Variants in MYO3B observed in about 807,000 individuals in gnomAD.
MYO3B encodes myosin-IIIb.
In MYO3B, 156 loss-of-function variants were observed where a neutral mutation model predicts 174.6. The ratio of observed to expected loss-of-function variants is 0.89; its 90% confidence interval spans 0.78 to 1.02. MYO3B has a LOEUF of 1.02. Ranked by LOEUF, MYO3B falls within the 50% of genes least tolerant of loss-of-function variation. MYO3B has a pLI of 0.00. For missense variants in MYO3B, 1,632 were observed against 1,639.4 expected, an observed-to-expected ratio of 1.00 and a Z score of 0.08; for synonymous variants, 563 against 569.1, an observed-to-expected ratio of 0.99 and a Z score of 0.15.
intron 32 of MYO3B, among the ~76,000 whole-genome samples, chr2:170,595,661 A>G (rs1694102188): frequency 1.3e-5 from 2 of 151,726 alleles, no homozygotes; most frequent in Non-Finnish European, 2.9e-5. Flanking sequence ...CTAGTCTTGA[A>G]CCCTGGGCTC....
chr2:170,299,876 C>G (rs1440580513), intron 7 of MYO3B, among the ~76,000 whole-genome samples: 1 of 152,158 alleles, frequency 6.6e-6, no homozygotes, highest in African/African-American at 2.4e-5. Context: ...TTGATAAAAT[C>G]TGAAAACCTA....
At chr2:170,636,399 TC>T (rs1377438806) in intron 32 of MYO3B, among the ~76,000 whole-genome samples, 14 of 142,942 alleles carry the variant, frequency 9.8e-5, no homozygotes, top group African/African-American at 3.8e-4. Context: ...TCCATGAATT[TC>T]TTTTTTTTTT....
intron 18 of MYO3B, 51 bp downstream of exon 18, chr2:170,401,742 C>T (rs759259276): frequency 6.5e-7 from 1 of 1,537,104 alleles, no homozygotes; most frequent in South Asian, 1.1e-5. Context: ...ATTGACCCCG[C>T]CGTCTCTTAG....
rs2092780199 is a variant in MYO3B, at chr2:170,212,270, G to A, written c.322-2109G>A. Among the ~76,000 whole-genome samples the A allele has an allele frequency of 2.6e-5, 4 of 151,792 alleles. No homozygotes were observed. In the South Asian group the frequency reaches 6.3e-4, roughly 24 times the overall value. On this transcript the variant is annotated intron_variant, in intron 3 of 34. Coordinates refer to ENST00000408978, the MANE Select transcript of MYO3B (RefSeq NM_138995.5). ...AAAAAAAAAAAAAAAAAGTCTGGGG[G>A]AAGAATCTCTTATTTTTATGCCAGT...
intron 23 of MYO3B, among the ~76,000 whole-genome samples, chr2:170,461,145 C>T (rs1684254481): frequency 6.6e-6 from 1 of 152,104 alleles, no homozygotes. Context: ...AGGTTCAAAG[C>T]AAGAGGTGCT....
chr2:170,623,962 T>A (rs1421734731), intron 32 of MYO3B, among the ~76,000 whole-genome samples: 9 of 152,210 alleles, frequency 5.9e-5, no homozygotes, highest in Admixed American at 5.9e-4. Flanking sequence ...ACCATGCTAT[T>A]TTGGTTACTG....
At chr2:170,285,920 A>G (rs926077191) in intron 7 of MYO3B, among the ~76,000 whole-genome samples, 1 of 152,064 alleles carries the variant, frequency 6.6e-6, no homozygotes, top group African/African-American at 2.4e-5. Flanking sequence ...TCTTTCTTAC[A>G]TGAAAAGCCA....
intron 32 of MYO3B, among the ~76,000 whole-genome samples, chr2:170,645,006 A>G (rs1006125706): frequency 3.3e-5 from 5 of 152,198 alleles, no homozygotes; most frequent in African/African-American, 9.7e-5. Context: ...TGTTAAATGC[A>G]AACTGGTATT....
chr2:170,500,736 A>G (rs1687210363), intron 27 of MYO3B, among the ~76,000 whole-genome samples: 1 of 152,166 alleles, frequency 6.6e-6, no homozygotes, highest in Admixed American at 6.5e-5. Flanking sequence ...TGACTGAGAT[A>G]ATATACACTT....
At chr2:170,195,950 G>C (rs2092595561) in intron 1 of MYO3B, among the ~76,000 whole-genome samples, 1 of 152,098 alleles carries the variant, frequency 6.6e-6, no homozygotes, top group African/African-American at 2.4e-5. Flanking sequence ...CTAAAAATTT[G>C]TTTCTCTACC....
chr2:170,462,384 A>T (rs2118674), intron 23 of MYO3B, among the ~76,000 whole-genome samples: 133,025 of 152,236 alleles, frequency 0.87, 59,492 homozygotes, highest in Non-Finnish European at 0.97. Flanking sequence ...CCCATCCCAG[A>T]TGAAGCATTT....
intron 32 of MYO3B, among the ~76,000 whole-genome samples, chr2:170,597,389 A>AG (rs1437462090): frequency 2.6e-5 from 4 of 151,636 alleles, no homozygotes; most frequent in East Asian, 1.9e-4. Context: ...AAAAAAAAAA[A>AG]AAGAAGCCCT....
intron 25 of MYO3B, among the ~76,000 whole-genome samples, chr2:170,497,726 CTT>C (rs1435723053): frequency 6.6e-6 from 1 of 152,030 alleles, no homozygotes; most frequent in Non-Finnish European, 1.5e-5. Context: ...ACGCATTTCT[CTT>C]GTTTATCTGT....
chr2:170,271,129 A>G (rs1263534214), intron 7 of MYO3B, among the ~76,000 whole-genome samples: 2 of 152,178 alleles, frequency 1.3e-5, no homozygotes, highest in African/African-American at 4.8e-5. Context: ...CCTGGTTTCC[A>G]GGGGTTCAGA....
intron 25 of MYO3B, 78 bp downstream of exon 25, chr2:170,466,789 C>G (rs1026706372): frequency 1.3e-5 from 18 of 1,410,226 alleles, no homozygotes; most frequent in Non-Finnish European, 1.8e-5. Context: ...AAGATTGTTC[C>G]TCCTGCGTGC....
At chr2:170,543,501 A>T (rs1690259012) in intron 31 of MYO3B, among the ~76,000 whole-genome samples, 1 of 152,238 alleles carries the variant, frequency 6.6e-6, no homozygotes, top group African/African-American at 2.4e-5. Context: ...AATCCTTTGG[A>T]TGATGTACTT....
At chr2:170,211,973 G>A (rs969563059) in intron 3 of MYO3B, among the ~76,000 whole-genome samples, 24 of 150,810 alleles carry the variant, frequency 1.6e-4, no homozygotes, top group Non-Finnish European at 2.9e-4. Flanking sequence ...GCTGGGTTCT[G>A]TGGCTCAGGC....
At position 170,188,193 on chromosome 2, in the gene MYO3B, CATT is replaced by C. The variant is rs370627859; in HGVS notation, c.2+9907_2+9909del. Among the ~76,000 whole-genome samples the C allele has an allele frequency of 3.8e-3, 572 of 152,250 alleles. 4 individuals carry two copies. Among genetic ancestry groups the C allele is most frequent in the African/African-American group, 0.013 (547 of 41,562 alleles). ...TGTCTTCCTGAATTAACCCCTTTGT[CATT>C]ATATAATGACCTTCTTTGTCTCTTT... On this transcript the variant is annotated intron_variant, in intron 1 of 34. Coordinates refer to ENST00000408978, the MANE Select transcript of MYO3B (RefSeq NM_138995.5).
chr2:170,544,092 A>T (rs927256193), intron 32 of MYO3B, 104 bp downstream of exon 32: 3 of 843,136 alleles, frequency 3.6e-6, no homozygotes, highest in African/African-American at 3.5e-5. Flanking sequence ...TAATATGACC[A>T]AATGTTGGCA....
Sources: allele counts gnomAD v4.1 joint callset (sites outside exome capture counted in the v4.1 genomes callset), GRCh38; gene constraint gnomAD v4.1.1; transcripts MANE v1.5; gene names NCBI Gene and HGNC (gene_info 2026-07-23, HGNC 2026-07-21).